Variants in HMGCLL1 observed in about 807,000 individuals in gnomAD.
HMGCLL1 encodes 3-hydroxymethyl-3-methylglutaryl-CoA lyase, cytoplasmic.
In HMGCLL1, 36 loss-of-function variants were observed where a neutral mutation model predicts 39.1. That is an observed-to-expected ratio of 0.92 (90% CI 0.71 to 1.22). The LOEUF is 1.22. Among genes scored for constraint, HMGCLL1 ranks in the 50% most tolerant of loss-of-function variants. HMGCLL1 has a pLI of 0.00. For missense variants in HMGCLL1, 451 were observed against 416.5 expected (o/e 1.08, Z -0.72); for synonymous variants, 149 against 144.0 (o/e 1.03, Z -0.25).
At chr6:55,491,260 T>A (rs991737682) in intron 7 of HMGCLL1, among the ~76,000 whole-genome samples, 4 of 152,180 alleles carry the variant, frequency 2.6e-5, no homozygotes, top group Non-Finnish European at 5.9e-5. Context: ...TTAAACATGG[T>A]TTATTAAGCA....
At chr6:55,664,818 T>G in the HMGCLL1 span, among the ~76,000 whole-genome samples, 1 of 151,640 alleles carries the variant, frequency 6.6e-6, no homozygotes, top group Non-Finnish European at 1.5e-5. Flanking sequence ...TTGGCAGCCC[T>G]CAGTCCTTTG....
chr6:55,442,348 C>T (rs1393236149), intron 7 of HMGCLL1, among the ~76,000 whole-genome samples: 1 of 152,108 alleles, frequency 6.6e-6, no homozygotes, highest in Non-Finnish European at 1.5e-5. Flanking sequence ...AGGGAGGACT[C>T]ATAGCTAATT....
In HMGCLL1 at chr6:55,491,852, T is replaced by C. The variant is rs554136343; in HGVS notation, c.795+3567A>G. Among the ~76,000 whole-genome samples, 80 of 152,188 alleles carry C rather than the reference T, an allele frequency of 5.3e-4. 1 individual carries two copies. In the South Asian group the frequency reaches 0.012, roughly 24 times the overall value. ...ATCGACATGCTCAGAATAATTTCTC[T>C]ATATTAAATAATATGATAATTATTC... On this transcript the variant is annotated intron_variant, in intron 7 of 8. Coordinates refer to ENST00000274901, the MANE Select transcript of HMGCLL1 (RefSeq NM_001042406.2).
intron 1 of HMGCLL1, among the ~76,000 whole-genome samples, chr6:55,556,224 T>C (rs1450354019): frequency 2.0e-5 from 3 of 152,118 alleles, no homozygotes; most frequent in African/African-American, 7.2e-5. Context: ...AATTAAAATA[T>C]ATAGTATAAG....
chr6:55,567,135 A>T (rs1226528414), intron 1 of HMGCLL1, among the ~76,000 whole-genome samples: 1 of 152,128 alleles, frequency 6.6e-6, no homozygotes, highest in Non-Finnish European at 1.5e-5. Flanking sequence ...ACCATATTGT[A>T]AAAGGGAACA....
chr6:55,673,291 T>C, the HMGCLL1 span, among the ~76,000 whole-genome samples: 4 of 151,930 alleles, frequency 2.6e-5, no homozygotes, highest in Middle Eastern at 6.3e-3. Flanking sequence ...AGAAGCAAAG[T>C]AAGCACAGTG....
the HMGCLL1 span, among the ~76,000 whole-genome samples, chr6:55,631,072 C>A: frequency 6.6e-6 from 1 of 152,050 alleles, no homozygotes; most frequent in South Asian, 2.1e-4. Flanking sequence ...GTTCCATAAT[C>A]TTCTCGTACT....
the HMGCLL1 span, among the ~76,000 whole-genome samples, chr6:55,650,140 C>T: frequency 0.11 from 6,461 of 56,552 alleles, 480 homozygotes; most frequent in East Asian, 0.24. Context: ...TATATACACA[C>T]ACACACACAT....
intron 3 of HMGCLL1, among the ~76,000 whole-genome samples, chr6:55,525,002 T>C (rs527992387): frequency 6.6e-6 from 1 of 151,552 alleles, no homozygotes; most frequent in African/African-American, 2.4e-5. Flanking sequence ...TATTATCTGT[T>C]ATAGAAGTAC....
Position 55,543,367 on chromosome 6 carries a change from TTA to T in HMGCLL1, c.109-1229_109-1228del, listed in dbSNP as rs1450590528. 1.6e-4 allele frequency among the ~76,000 whole-genome samples: 4 copies of T among 24,446 alleles called. 2 individuals are homozygous for T. Among genetic ancestry groups the T allele is most frequent in the East Asian group, 2.3e-3 (2 of 864 alleles). The allele number at this position is 24,446 out of a possible 152,430, so 16.0% of individuals were successfully genotyped here. On this transcript the variant is annotated intron_variant, in intron 1 of 8. Transcript: ENST00000274901. ...GATATATAATATGATATATTATATATTATATATATTATATGATATATAATATC... is the reference window on the plus strand; with the variant it reads ...GATATATAATATGATATATTATATATTATATATTATATGATATATAATATC...
chr6:55,444,980 T>C (rs891055038), intron 7 of HMGCLL1, among the ~76,000 whole-genome samples: 5 of 152,038 alleles, frequency 3.3e-5, no homozygotes, highest in Admixed American at 2.0e-4. Flanking sequence ...TAGACACAGA[T>C]TCTCTTTCAG....
intron 5 of HMGCLL1, among the ~76,000 whole-genome samples, chr6:55,505,022 T>C (rs1417142264): frequency 1.1e-4 from 17 of 151,702 alleles, no homozygotes. Flanking sequence ...AACACAGCAT[T>C]ACAGTAAATC....
chr6:55,444,592 T>C (rs1581787048), intron 7 of HMGCLL1, among the ~76,000 whole-genome samples: 3 of 151,952 alleles, frequency 2.0e-5, no homozygotes, highest in African/African-American at 7.2e-5. Context: ...CACAATTTTC[T>C]AAAAGCAAAA....
At chr6:55,440,589 G>A (rs1029269822) in intron 7 of HMGCLL1, among the ~76,000 whole-genome samples, 1 of 152,016 alleles carries the variant, frequency 6.6e-6, no homozygotes, top group African/African-American at 2.4e-5. Context: ...GTAACAATTC[G>A]GTAATCAGAA....
chr6:55,529,763 C>T (rs1289412137), intron 3 of HMGCLL1, among the ~76,000 whole-genome samples: 1 of 152,068 alleles, frequency 6.6e-6, no homozygotes, highest in Non-Finnish European at 1.5e-5. Context: ...TCTATTTTAA[C>T]TTTACACTTA....
the HMGCLL1 span, among the ~76,000 whole-genome samples, chr6:55,639,180 ATAGT>A: frequency 6.6e-6 from 1 of 152,034 alleles, no homozygotes; most frequent in Admixed American, 6.6e-5. Flanking sequence ...TGACTGACAT[ATAGT>A]GCCATCTCAA....
chr6:55,444,362 A>G (rs1173095664), intron 7 of HMGCLL1, among the ~76,000 whole-genome samples: 1 of 152,056 alleles, frequency 6.6e-6, no homozygotes, highest in African/African-American at 2.4e-5. Flanking sequence ...CGTATATTGT[A>G]TCTTGGTTTT....
chr6:55,494,316 C>T (rs543692515), intron 7 of HMGCLL1, among the ~76,000 whole-genome samples: 9 of 137,048 alleles, frequency 6.6e-5, no homozygotes, highest in Non-Finnish European at 1.3e-4. Flanking sequence ...TACAGAGAAA[C>T]GAGAGAGAGA....
the HMGCLL1 span, among the ~76,000 whole-genome samples, chr6:55,639,685 C>T: frequency 6.6e-6 from 1 of 152,038 alleles, no homozygotes; most frequent in Admixed American, 6.6e-5. Flanking sequence ...CATAAATGTT[C>T]TCTACTCTCA....
Sources: gnomAD v4.1 joint callset for allele counts (sites outside exome capture counted in the v4.1 genomes callset) on GRCh38, gnomAD v4.1.1 for gene constraint, MANE v1.5 for transcripts, NCBI Gene and HGNC (gene_info 2026-07-23, HGNC 2026-07-21) for gene names.